TENM3: variants seen among roughly 807,000 people sequenced by gnomAD.
The protein encoded by TENM3 is teneurin-3.
A neutral mutation model predicts 255.1 loss-of-function variants in TENM3; 63 were observed. The observed-to-expected ratio is 0.25, with a 90% CI of 0.20 to 0.30. TENM3 has a LOEUF of 0.30. Ranked by LOEUF, TENM3 falls within the 10% of genes least tolerant of loss-of-function variation. The pLI is 1.00. For missense variants in TENM3, 2,929 were observed against 3,461.1 expected (o/e 0.85, Z 3.86); for synonymous variants, 1,306 against 1,322.3 (o/e 0.99, Z 0.27).
chr4:181,797,659 G>C, the TENM3 span, among the ~76,000 whole-genome samples: 2 of 152,176 alleles, frequency 1.3e-5, no homozygotes, highest in African/African-American at 2.4e-5. Flanking sequence ...CTTCATAGCT[G>C]AAGTGTCTGA....
chr4:181,920,716 G>A, the TENM3 span, among the ~76,000 whole-genome samples: 2 of 151,402 alleles, frequency 1.3e-5, no homozygotes, highest in African/African-American at 2.4e-5. Flanking sequence ...TTCTTTTGCT[G>A]TGCAGAAGCT....
chr4:182,741,241 G>A, intron 18 of TENM3, among the ~76,000 whole-genome samples: 1 of 152,214 alleles, frequency 6.6e-6, no homozygotes, highest in African/African-American at 2.4e-5. Flanking sequence ...GCCACAGGGT[G>A]AACAGATTGC....
the TENM3 span, among the ~76,000 whole-genome samples, chr4:181,450,441 T>G: frequency 6.6e-6 from 1 of 152,160 alleles, no homozygotes; most frequent in Non-Finnish European, 1.5e-5. Flanking sequence ...GTTTTCTTCC[T>G]AGGGACAGAA....
the TENM3 span, among the ~76,000 whole-genome samples, chr4:182,069,451 G>C: frequency 6.6e-6 from 1 of 152,120 alleles, no homozygotes; most frequent in African/African-American, 2.4e-5. Context: ...CAAATTTCCA[G>C]AAATTCCTTC....
chr4:181,817,258 T>A, the TENM3 span, among the ~76,000 whole-genome samples: 1 of 152,204 alleles, frequency 6.6e-6, no homozygotes, highest in South Asian at 2.1e-4. Flanking sequence ...CTATTAACAT[T>A]TGGAGCTGGA....
the TENM3 span, among the ~76,000 whole-genome samples, chr4:181,855,572 A>G: frequency 6.6e-6 from 1 of 152,210 alleles, no homozygotes; most frequent in Non-Finnish European, 1.5e-5. Context: ...AAGGAAAGTG[A>G]ATCATAATTG....
At chr4:181,768,406 A>G in the TENM3 span, among the ~76,000 whole-genome samples, 2 of 152,334 alleles carry the variant, frequency 1.3e-5, no homozygotes, top group Non-Finnish European at 2.9e-5. Context: ...TCTGCTTTAC[A>G]GGTTTAATTA....
chr4:182,066,590 TA>T, the TENM3 span, among the ~76,000 whole-genome samples: 132 of 136,326 alleles, frequency 9.7e-4, 1 homozygote, highest in South Asian at 1.2e-3. Flanking sequence ...AGAATTATGG[TA>T]AAAAAAAAAT....
chr4:182,347,120 G>GAA (rs568982197), intron 3 of TENM3, among the ~76,000 whole-genome samples, 191 bp downstream of exon 3: 3 of 148,268 alleles, frequency 2.0e-5, no homozygotes, highest in Non-Finnish European at 4.5e-5. Context: ...TTTTTTCCTG[G>GAA]AAAAAAAAAT....
chr4:181,808,018 T>C, the TENM3 span, among the ~76,000 whole-genome samples: 1 of 152,218 alleles, frequency 6.6e-6, no homozygotes, highest in African/African-American at 2.4e-5. Context: ...GCATTTCCCA[T>C]GGGAGCTCCC....
chr4:182,410,232 G>A (rs1288769570), intron 3 of TENM3, among the ~76,000 whole-genome samples: 1 of 152,194 alleles, frequency 6.6e-6, no homozygotes, highest in African/African-American at 2.4e-5. Context: ...GGAAAATGTT[G>A]GTAATGAAGA....
chr4:181,578,836 G>A, the TENM3 span, among the ~76,000 whole-genome samples: 20 of 152,068 alleles, frequency 1.3e-4, no homozygotes, highest in African/African-American at 3.9e-4. Flanking sequence ...TCATTTTACC[G>A]TATTCACCTC....
the TENM3 span, among the ~76,000 whole-genome samples, chr4:181,663,449 A>G: frequency 6.6e-6 from 1 of 152,200 alleles, no homozygotes; most frequent in Non-Finnish European, 1.5e-5. Flanking sequence ...AGCACAAATA[A>G]TTTGAAACTT....
At chr4:182,011,804 G>A in the TENM3 span, among the ~76,000 whole-genome samples, 1 of 152,198 alleles carries the variant, frequency 6.6e-6, no homozygotes, top group Non-Finnish European at 1.5e-5. Flanking sequence ...GATCATGACT[G>A]CTGCAAACAA....
At chr4:181,726,867 C>T in the TENM3 span, among the ~76,000 whole-genome samples, 12 of 152,346 alleles carry the variant, frequency 7.9e-5, no homozygotes, top group African/African-American at 2.9e-4. Flanking sequence ...AATTGCATTT[C>T]CCAGACACTC....
intron 4 of TENM3, among the ~76,000 whole-genome samples, chr4:182,602,198 G>A (rs1182430973): frequency 6.6e-6 from 1 of 152,192 alleles, no homozygotes; most frequent in Non-Finnish European, 1.5e-5. Context: ...GCTTTGCGGG[G>A]AGGTTCCCCC....
chr4:182,731,938 A>C (rs1040231619), intron 16 of TENM3, among the ~76,000 whole-genome samples: 21 of 151,748 alleles, frequency 1.4e-4, no homozygotes, highest in African/African-American at 2.7e-4. Flanking sequence ...ACTGCCACCA[A>C]GCCAAGCTAA....
chr4:182,757,724 C>T (rs747870501), intron 22 of TENM3, among the ~76,000 whole-genome samples: 4 of 152,090 alleles, frequency 2.6e-5, no homozygotes, highest in Admixed American at 1.3e-4. Context: ...ACTTAGGAAT[C>T]GGCAGACTGG....
the TENM3 span, among the ~76,000 whole-genome samples, chr4:181,883,126 C>CTTTTTTTTTTTTTTTTTTTTTTTTTT: frequency 8.4e-5 from 9 of 106,690 alleles, no homozygotes; most frequent in Admixed American, 1.1e-4. Flanking sequence ...TGCAATTAAT[C>CTTTTTTTTTTTTTTTTTTTTTTTTTT]TTTTTTTTTT....
Sources: allele counts gnomAD v4.1 joint callset (sites outside exome capture counted in the v4.1 genomes callset), GRCh38; gene constraint gnomAD v4.1.1; transcripts MANE v1.5; gene names NCBI Gene and HGNC (gene_info 2026-07-23, HGNC 2026-07-21).